The following TFB2M variants were observed in gnomAD, a reference collection of about 807,000 sequenced individuals.
TFB2M encodes the protein dimethyladenosine transferase 2, mitochondrial.
TFB2M carries 44 observed loss-of-function variants against 41.3 expected under a neutral mutation model. The ratio of observed to expected loss-of-function variants is 1.07; its 90% CI spans 0.84 to 1.37. The LOEUF (loss-of-function observed/expected upper bound fraction) is 1.37. Ranked by LOEUF, TFB2M falls within the 40% of genes most tolerant of loss-of-function variation. The probability of loss-of-function intolerance (pLI) is 0.00; values close to 1 mark genes in which losing one functional copy is unlikely to be tolerated. For synonymous variants in TFB2M, 188 were observed against 176.8 expected, an observed-to-expected ratio of 1.06 and a Z score of -0.50; for missense variants, 496 against 490.2, an observed-to-expected ratio of 1.01 and a Z score of -0.11.
At chr1:246,559,323 C>T (rs545069271) in intron 2 of TFB2M, among the ~76,000 whole-genome samples, 4 of 152,150 alleles carry the variant, frequency 2.6e-5, no homozygotes, top group South Asian at 2.1e-4. Flanking sequence ...CCAAAGAGGG[C>T]GGATCACACA....
At chr1:246,557,334 C>A (rs375404506) in intron 3 of TFB2M, 47 bp downstream of exon 3, 28 of 1,578,742 alleles carry the variant, frequency 1.8e-5, no homozygotes, top group Middle Eastern at 1.7e-4. Flanking sequence ...CTGCTAGAGA[C>A]ACCTGGCAAA....
chr1:246,555,041 T>A (rs1659284631), intron 4 of TFB2M, among the ~76,000 whole-genome samples: 1 of 152,194 alleles, frequency 6.6e-6, no homozygotes, highest in African/African-American at 2.4e-5. Flanking sequence ...GCAAATGTCT[T>A]GAACAGACAT....
At chr1:246,564,481 T>C (rs910324278) in intron 1 of TFB2M, 47 bp from the exon 2 acceptor site, 5 of 1,535,616 alleles carry the variant, frequency 3.3e-6, no homozygotes, top group Admixed American at 1.7e-5. Flanking sequence ...AGAAACATAA[T>C]CTCTTTCAAT....
intron 2 of TFB2M, among the ~76,000 whole-genome samples, chr1:246,561,750 T>C (rs1659461289): frequency 6.6e-6 from 1 of 152,264 alleles, no homozygotes. Flanking sequence ...ATTACAGGCA[T>C]GGGCCTCGGT....
rs558342201 is a variant in TFB2M, at chr1:246,563,150, A to C, written c.402+1196T>G. Among the ~76,000 whole-genome samples, 4 of 151,818 alleles carry C rather than the reference A, an allele frequency of 2.6e-5. No homozygotes were observed. The South Asian group carries it at 8.3e-4, about 32-fold the overall frequency. Reference sequence around the variant, plus strand: ...CCGCTGTGTGTTTCCACTGTTCAACAGCTGACACAGGGATTCTGATGCTGC... The same window carrying C: ...CCGCTGTGTGTTTCCACTGTTCAACCGCTGACACAGGGATTCTGATGCTGC... On this transcript the variant is annotated intron_variant, in intron 2 of 7. Coordinates refer to ENST00000366514, the MANE Select transcript of TFB2M (RefSeq NM_022366.3).
chr1:246,548,640 T>C (rs749607419), intron 5 of TFB2M, 33 bp from the exon 6 acceptor site: 82 of 1,596,836 alleles, frequency 5.1e-5, no homozygotes, highest in Non-Finnish European at 6.4e-5. Context: ...AACAACATCT[T>C]TTATTTCTCT....
At chr1:246,554,418 C>T (rs1659266272) in intron 4 of TFB2M, among the ~76,000 whole-genome samples, 1 of 152,202 alleles carries the variant, frequency 6.6e-6, no homozygotes, top group Admixed American at 6.5e-5. Context: ...CCACCGTTCA[C>T]ATCACCGCCT....
intron 2 of TFB2M, among the ~76,000 whole-genome samples, chr1:246,560,027 C>T (rs935184096): frequency 1.2e-4 from 19 of 152,140 alleles, no homozygotes; most frequent in Admixed American, 7.9e-4. Context: ...CAGCCCAGGA[C>T]GGCTTTGAAT....
At chr1:246,562,610 G>GTCA (rs1659483245) in intron 2 of TFB2M, among the ~76,000 whole-genome samples, 1 of 152,062 alleles carries the variant, frequency 6.6e-6, no homozygotes, top group African/African-American at 2.4e-5. Context: ...ATCGAAGGGA[G>GTCA]TCATCTAAGA....
At chr1:246,541,984 A>G (rs1372546367) in intron 7 of TFB2M, among the ~76,000 whole-genome samples, 1 of 152,202 alleles carries the variant, frequency 6.6e-6, no homozygotes, top group African/African-American at 2.4e-5. Flanking sequence ...CATCTTACAG[A>G]GTACTTAACC....
chr1:246,559,729 A>G (rs1482906355), intron 2 of TFB2M, among the ~76,000 whole-genome samples: 2 of 152,178 alleles, frequency 1.3e-5, no homozygotes, highest in Non-Finnish European at 2.9e-5. Context: ...GCAGACCTGA[A>G]TAAGGTGCTC....
At chr1:246,564,299 A>T in intron 2 of TFB2M, 47 bp downstream of exon 2, 1 of 1,535,490 alleles carries the variant, frequency 6.5e-7, no homozygotes, top group Non-Finnish European at 9.0e-7. Flanking sequence ...AACCACTCAC[A>T]GATAGTTGAA....
At chr1:246,558,172 T>TG in intron 2 of TFB2M, among the ~76,000 whole-genome samples, 1 of 149,910 alleles carries the variant, frequency 6.7e-6, no homozygotes, top group South Asian at 2.1e-4. Context: ...TTTTTTTTTT[T>TG]GAGACAAGCT....
intron 5 of TFB2M, among the ~76,000 whole-genome samples, chr1:246,549,399 T>C (rs958970516): frequency 7.9e-5 from 12 of 152,016 alleles, no homozygotes; most frequent in African/African-American, 2.2e-4. Context: ...CTGGGCAACA[T>C]GGTGAAACCC....
intron 1 of TFB2M, among the ~76,000 whole-genome samples, 194 bp from the exon 2 acceptor site, chr1:246,564,628 A>G (rs1659550569): frequency 6.6e-6 from 1 of 152,184 alleles, no homozygotes; most frequent in Non-Finnish European, 1.5e-5. Context: ...CCAGCGTCAA[A>G]AGTGATGCAG....
At chr1:246,556,524 GA>G in intron 4 of TFB2M, 48 bp downstream of exon 4, 1 of 1,355,650 alleles carries the variant, frequency 7.4e-7, no homozygotes, top group Non-Finnish European at 9.9e-7. Context: ...AGTACTCAGA[GA>G]AAAATTACAG....
In TFB2M at chr1:246,547,644, G is replaced by A. The variant is rs567038643; in HGVS notation, c.858+901C>T. ...GACTAAGCTGTTATGCTGAGATTAG[G>A]CCATTGTTAGCATTTAATTCGTTTT... On this transcript the variant is annotated intron_variant, in intron 6 of 7. Coordinates refer to ENST00000366514, the MANE Select transcript of TFB2M (RefSeq NM_022366.3). Among the ~76,000 whole-genome samples the A allele has an allele frequency of 4.3e-4, 64 of 149,368 alleles. No individual in the cohort carries two copies. The South Asian group carries it at 0.013, about 31-fold the overall frequency.
chr1:246,558,557 T>C lies in TFB2M; in HGVS notation c.403-1023A>G, dbSNP rs151004400. On this transcript the variant is annotated intron_variant, in intron 2 of 7. Coordinates refer to ENST00000366514, the MANE Select transcript of TFB2M (RefSeq NM_022366.3). Reference sequence around the variant, plus strand: ...GCACTGGGCAAAGATTCTGACACCATGGTTGGCCTCTTACAGAGAACTGTG... The same window carrying C: ...GCACTGGGCAAAGATTCTGACACCACGGTTGGCCTCTTACAGAGAACTGTG... Among the ~76,000 whole-genome samples, 1,410 of 152,306 alleles carry C rather than the reference T, an allele frequency of 9.3e-3. 14 individuals carry two copies. Among genetic ancestry groups the C allele is most frequent in the Middle Eastern group, 0.02 (6 of 294 alleles).
At position 246,556,572 on chromosome 1, in the gene TFB2M, C is replaced by CCTGGAATT; in HGVS notation, c.698_705dup (p.Lys236AsnfsTer5). The CCTGGAATT allele has an allele frequency of 6.7e-7, 1 of 1,486,584 alleles. No individual in the cohort carries two copies. Among genetic ancestry groups the CCTGGAATT allele is most frequent in the Non-Finnish European group, 9.0e-7 (1 of 1,109,380 alleles). The allele number at this position is 1,486,584 out of a possible 1,614,324, so 92.1% of individuals were successfully genotyped here. On this transcript the variant is annotated frameshift_variant and splice_region_variant. Transcript: ENST00000366514. LOFTEE classifies it high-confidence loss of function. ...AAAATAGGTATTTGTTAATAACATA[C>CCTGGAATT]CTGGAATTCTTTTTCACCAATAAAC... is the stretch of plus-strand genomic sequence containing the variant.
Sources: allele counts gnomAD v4.1 joint callset (sites outside exome capture counted in the v4.1 genomes callset), GRCh38; gene constraint gnomAD v4.1.1; transcripts MANE v1.5; gene names NCBI Gene and HGNC (gene_info 2026-07-23, HGNC 2026-07-21).